JARID2: variants seen among roughly 807,000 people sequenced by gnomAD.
The protein encoded by JARID2 is protein Jumonji.
In JARID2, 21 loss-of-function variants were observed where a neutral mutation model predicts 125.6. The ratio of observed to expected loss-of-function variants is 0.17; its 90% CI spans 0.12 to 0.24. JARID2 has a LOEUF of 0.24. Ranked by LOEUF, JARID2 falls within the 10% of genes least tolerant of loss-of-function variation. The pLI, the probability that JARID2 is intolerant of heterozygous loss-of-function variation, is 1.00. For synonymous variants in JARID2, 736 were observed against 661.6 expected (o/e 1.11, Z -1.73); for missense variants, 1,303 against 1,639.6 (o/e 0.79, Z 3.55).
chr6:15,299,926 G>A (rs1003561374), intron 1 of JARID2, among the ~76,000 whole-genome samples: 8 of 152,100 alleles, frequency 5.3e-5, no homozygotes, highest in East Asian at 1.9e-4. Flanking sequence ...GGTCCTGTCC[G>A]GCCAGTGTTG....
chr6:15,319,394 C>T (rs558390548), intron 1 of JARID2, among the ~76,000 whole-genome samples: 28 of 152,010 alleles, frequency 1.8e-4, no homozygotes, highest in Non-Finnish European at 3.4e-4. Flanking sequence ...TTCTGTGTTG[C>T]TTTTTTCTTT....
intron 3 of JARID2, among the ~76,000 whole-genome samples, chr6:15,439,789 TGAG>T (rs1467020835): frequency 7.2e-5 from 11 of 152,208 alleles, no homozygotes; most frequent in African/African-American, 2.7e-4. Flanking sequence ...CTTCATTGGA[TGAG>T]GAGAAGGGCT....
intron 1 of JARID2, among the ~76,000 whole-genome samples, chr6:15,283,196 T>C (rs1484231088): frequency 6.6e-6 from 1 of 150,542 alleles, no homozygotes; most frequent in Non-Finnish European, 1.5e-5. Flanking sequence ...GCCAGGACGG[T>C]CTCGATCTGC....
At chr6:15,417,861 G>A (rs530830863) in intron 3 of JARID2, among the ~76,000 whole-genome samples, 4 of 152,326 alleles carry the variant, frequency 2.6e-5, no homozygotes, top group Non-Finnish European at 5.9e-5. Flanking sequence ...CTACATGTGA[G>A]TATGCACATC....
chr6:15,300,607 T>A (rs1030498317), intron 1 of JARID2, among the ~76,000 whole-genome samples: 3 of 152,104 alleles, frequency 2.0e-5, no homozygotes, highest in Admixed American at 6.5e-5. Flanking sequence ...AGTCTATCTG[T>A]TTCGAGTTAT....
intron 2 of JARID2, among the ~76,000 whole-genome samples, chr6:15,404,645 TCA>T (rs954582475): frequency 6.6e-6 from 1 of 152,046 alleles, no homozygotes; most frequent in Non-Finnish European, 1.5e-5. Context: ...TAACCTTGTC[TCA>T]CAGTGACAGG....
At chr6:15,256,014 A>G (rs1759649752) in intron 1 of JARID2, among the ~76,000 whole-genome samples, 1 of 152,090 alleles carries the variant, frequency 6.6e-6, no homozygotes, top group Non-Finnish European at 1.5e-5. Flanking sequence ...TCGCTGAGCT[A>G]TTTCCTCATC....
At position 15,520,248 on chromosome 6, in the gene JARID2, A is replaced by G. The variant is rs1395438362; in HGVS notation, c.3738A>G (p.Ser1246=). Residue 1246 remains serine (S), a synonymous_variant, in exon 18 of 18, where the codon TCA becomes TCG. Coordinates refer to ENST00000341776, the MANE Select transcript of JARID2 (RefSeq NM_004973.4). The stretch of plus-strand genomic sequence containing the variant: ...CATCCAAAAGTGCTTCGAGCTCATC[A>G]TGAAGATGCCAACGCCCGTGGTCGA... ...SSSSKSASSS[S] 1.3e-6 allele frequency: 2 copies of G among 1,592,806 alleles called. No homozygotes were observed. Among genetic ancestry groups the G allele is most frequent in the African/African-American group, 1.4e-5 (1 of 73,794 alleles).
chr6:15,499,255 A>T (rs980205534), intron 7 of JARID2, among the ~76,000 whole-genome samples: 2 of 152,198 alleles, frequency 1.3e-5, no homozygotes, highest in African/African-American at 4.8e-5. Context: ...ACCCCAGCAG[A>T]TGTGCCTTCT....
intron 1 of JARID2, among the ~76,000 whole-genome samples, chr6:15,356,047 G>A (rs1040826911): frequency 6.6e-6 from 1 of 152,180 alleles, no homozygotes; most frequent in Non-Finnish European, 1.5e-5. Context: ...GGCCTATTCT[G>A]GAGACTTCGT....
At chr6:15,316,183 T>G (rs1418800652) in intron 1 of JARID2, among the ~76,000 whole-genome samples, 3 of 152,012 alleles carry the variant, frequency 2.0e-5, no homozygotes, top group Non-Finnish European at 2.9e-5. Flanking sequence ...TGGCACGATC[T>G]CTGCTCACTG....
At chr6:15,368,692 C>T (rs1255721862) in intron 1 of JARID2, 1 of 499,602 alleles carries the variant, frequency 2.0e-6, no homozygotes, top group Non-Finnish European at 4.0e-6. Flanking sequence ...CCGCTGTGCT[C>T]TTTGATCACT....
chr6:15,301,843 C>CT (rs1761635840), intron 1 of JARID2, among the ~76,000 whole-genome samples: 1 of 152,126 alleles, frequency 6.6e-6, no homozygotes. Flanking sequence ...GGTATAGTGA[C>CT]TAAGACTGTA....
At chr6:15,362,209 T>A (rs1763822941) in intron 1 of JARID2, among the ~76,000 whole-genome samples, 1 of 152,064 alleles carries the variant, frequency 6.6e-6, no homozygotes, top group Non-Finnish European at 1.5e-5. Context: ...TCATTTAATT[T>A]GTCGAAAATA....
intron 1 of JARID2, among the ~76,000 whole-genome samples, chr6:15,285,249 T>C (rs1760952489): frequency 6.6e-6 from 1 of 151,952 alleles, no homozygotes; most frequent in African/African-American, 2.4e-5. Flanking sequence ...TAGCTGGGAT[T>C]ACAGGCACCT....
intron 1 of JARID2, among the ~76,000 whole-genome samples, chr6:15,285,288 TTTTG>T (rs1760953934): frequency 6.6e-6 from 1 of 151,960 alleles, no homozygotes; most frequent in East Asian, 1.9e-4. Flanking sequence ...TTTTTGTATT[TTTTG>T]TTTGTTTGTT....
chr6:15,422,130 G>T (rs781539248), intron 3 of JARID2, among the ~76,000 whole-genome samples: 25 of 152,212 alleles, frequency 1.6e-4, no homozygotes, highest in Admixed American at 3.3e-4. Context: ...TAAGGACCCT[G>T]GAGAGAAGCG....
chr6:15,472,592 AG>A, intron 5 of JARID2, among the ~76,000 whole-genome samples: 1 of 152,334 alleles, frequency 6.6e-6, no homozygotes, highest in East Asian at 1.9e-4. Context: ...GCAGAGTCCC[AG>A]AACTACCATC....
At chr6:15,308,548 C>A (rs1761911841) in intron 1 of JARID2, among the ~76,000 whole-genome samples, 1 of 152,180 alleles carries the variant, frequency 6.6e-6, no homozygotes, top group Non-Finnish European at 1.5e-5. Context: ...CCTGTTTTCT[C>A]CCCTGTGGTT....
Sources: gnomAD v4.1 joint callset for allele counts (sites outside exome capture counted in the v4.1 genomes callset) on GRCh38, gnomAD v4.1.1 for gene constraint, MANE v1.5 for transcripts, NCBI Gene and HGNC (gene_info 2026-07-23, HGNC 2026-07-21) for gene names.